The following ZNF385D variants were observed in gnomAD, a reference collection of about 807,000 sequenced individuals.
ZNF385D encodes the protein zinc finger protein 385D, also known as zinc finger protein 659.
In ZNF385D, 15 loss-of-function variants were observed where a neutral mutation model predicts 35.8. The ratio of observed to expected loss-of-function variants is 0.42; its 90% CI spans 0.28 to 0.64. The LOEUF (loss-of-function observed/expected upper bound fraction) is 0.64. Ranked by LOEUF, ZNF385D falls within the 30% of genes least tolerant of loss-of-function variation. ZNF385D has a pLI of 0.23. For synonymous variants in ZNF385D, 212 were observed against 186.8 expected (o/e 1.13, Z -1.10); for missense variants, 474 against 494.6 (o/e 0.96, Z 0.39).
intron 1 of ZNF385D, 58 bp downstream of exon 1, chr3:21,750,837 T>C: frequency 6.2e-7 from 1 of 1,609,064 alleles, no homozygotes; most frequent in Non-Finnish European, 8.5e-7. Flanking sequence ...TAAGGGCTTG[T>C]CTGCACGGAT....
intron 3 of ZNF385D, among the ~76,000 whole-genome samples, chr3:21,943,481 A>G (rs892551039): frequency 1.3e-5 from 2 of 151,908 alleles, no homozygotes; most frequent in Non-Finnish European, 2.9e-5. Flanking sequence ...TGATATATCT[A>G]CTAATTATAA....
At chr3:21,860,061 A>G (rs1324052681) in intron 3 of ZNF385D, among the ~76,000 whole-genome samples, 3 of 152,116 alleles carry the variant, frequency 2.0e-5, no homozygotes, top group Non-Finnish European at 4.4e-5. Context: ...TCACTAAATC[A>G]CAGGCTCTTT....
At chr3:21,913,976 G>A (rs1019650808) in intron 3 of ZNF385D, among the ~76,000 whole-genome samples, 5 of 152,058 alleles carry the variant, frequency 3.3e-5, no homozygotes, top group Non-Finnish European at 7.4e-5. Flanking sequence ...CATGCAGGGT[G>A]CACAGATTTG....
chr3:22,330,801 T>C (rs1163661269), intron 2 of ZNF385D, among the ~76,000 whole-genome samples: 1 of 152,220 alleles, frequency 6.6e-6, no homozygotes, highest in Non-Finnish European at 1.5e-5. Flanking sequence ...AAGGCTTGCT[T>C]TAGGCAGTGT....
chr3:21,678,587 C>G (rs1352272002), intron 1 of ZNF385D, among the ~76,000 whole-genome samples: 1 of 151,880 alleles, frequency 6.6e-6, no homozygotes, highest in Non-Finnish European at 1.5e-5. Context: ...GGAGTTAGTC[C>G]CTTCAAATTC....
At chr3:22,063,315 A>G (rs538845972) in intron 3 of ZNF385D, among the ~76,000 whole-genome samples, 3 of 152,184 alleles carry the variant, frequency 2.0e-5, no homozygotes, top group African/African-American at 7.2e-5. Flanking sequence ...CTTTTTCATC[A>G]ATGAGAAACC....
intron 3 of ZNF385D, among the ~76,000 whole-genome samples, chr3:22,002,424 G>A (rs1603665): frequency 6.6e-6 from 1 of 151,836 alleles, no homozygotes; most frequent in South Asian, 2.1e-4. Flanking sequence ...AAGCAAGATT[G>A]AATTGGTAGT....
intron 4 of ZNF385D, among the ~76,000 whole-genome samples, chr3:21,458,512 GTC>G (rs1043402952): frequency 2.6e-5 from 4 of 151,476 alleles, no homozygotes; most frequent in Admixed American, 2.6e-4. Flanking sequence ...GAAAGACCAT[GTC>G]TCTAGAAGAA....
At chr3:22,193,468 G>C (rs923152075) in intron 2 of ZNF385D, among the ~76,000 whole-genome samples, 1 of 151,992 alleles carries the variant, frequency 6.6e-6, no homozygotes, top group Non-Finnish European at 1.5e-5. Flanking sequence ...TACATAGGAT[G>C]CATGAGATCT....
intron 2 of ZNF385D, among the ~76,000 whole-genome samples, chr3:21,608,106 A>G (rs9840184): frequency 0.59 from 86,833 of 147,496 alleles, 26,611 homozygotes; most frequent in African/African-American, 0.75. Context: ...ACCTCCTGGG[A>G]TTAAGTGATT....
intron 1 of ZNF385D, among the ~76,000 whole-genome samples, chr3:21,745,561 TC>T (rs2069728391): frequency 6.6e-6 from 1 of 152,238 alleles, no homozygotes; most frequent in Non-Finnish European, 1.5e-5. Flanking sequence ...CTTTGATATT[TC>T]TAGCCACCTC....
intron 2 of ZNF385D, among the ~76,000 whole-genome samples, chr3:22,306,199 C>A (rs1179636108): frequency 1.3e-5 from 2 of 151,982 alleles, no homozygotes; most frequent in African/African-American, 4.8e-5. Flanking sequence ...CCTTAGAATG[C>A]AATTTTCATG....
intron 3 of ZNF385D, among the ~76,000 whole-genome samples, chr3:21,781,858 T>C (rs1377139589): frequency 6.6e-6 from 1 of 152,026 alleles, no homozygotes; most frequent in African/African-American, 2.4e-5. Flanking sequence ...ACTCTAGCAA[T>C]GGCATTCAAC....
chr3:21,732,170 C>T (rs2069048833), intron 1 of ZNF385D, among the ~76,000 whole-genome samples: 1 of 151,040 alleles, frequency 6.6e-6, no homozygotes, highest in South Asian at 2.1e-4. Context: ...CTGCCTCAGC[C>T]TCCCGAGTAG....
chr3:22,278,423 C>T (rs892252197), intron 2 of ZNF385D, among the ~76,000 whole-genome samples: 7 of 152,012 alleles, frequency 4.6e-5, no homozygotes, highest in Non-Finnish European at 1.0e-4. Context: ...TGTTTTTCTC[C>T]AGTCATTTTC....
intron 3 of ZNF385D, among the ~76,000 whole-genome samples, chr3:22,044,511 C>G (rs899624386): frequency 1.3e-5 from 2 of 151,926 alleles, no homozygotes; most frequent in East Asian, 3.9e-4. Flanking sequence ...TATTTTAATA[C>G]TGAGAAGAGC....
chr3:21,848,382 T>C (rs984273169), intron 3 of ZNF385D, among the ~76,000 whole-genome samples: 2 of 151,628 alleles, frequency 1.3e-5, no homozygotes, highest in Non-Finnish European at 2.9e-5. Context: ...ATTTCTGGAG[T>C]ATGTGGTAGG....
chr3:22,013,112 T>G (rs78653890), intron 3 of ZNF385D, among the ~76,000 whole-genome samples: 1,943 of 152,170 alleles, frequency 0.013, 28 homozygotes, highest in Non-Finnish European at 0.016. Flanking sequence ...GCTAAGAAAT[T>G]GGCAATCTGC....
intron 2 of ZNF385D, among the ~76,000 whole-genome samples, chr3:21,573,129 T>G (rs1225935037): frequency 6.6e-6 from 1 of 152,004 alleles, no homozygotes; most frequent in Non-Finnish European, 1.5e-5. Flanking sequence ...AAAGGAAAAA[T>G]AAATATGTTT....
Sources: allele counts gnomAD v4.1 joint callset (sites outside exome capture counted in the v4.1 genomes callset), GRCh38; gene constraint gnomAD v4.1.1; transcripts MANE v1.5; gene names NCBI Gene and HGNC (gene_info 2026-07-23, HGNC 2026-07-21).